Variants in CTNNA3 observed in about 807,000 individuals in gnomAD.
The protein encoded by CTNNA3 is catenin alpha-3.
CTNNA3 carries 76 observed loss-of-function variants against 95.7 expected under a neutral mutation model. That is an observed-to-expected ratio of 0.79 (90% confidence interval 0.66 to 0.96). The LOEUF (loss-of-function observed/expected upper bound fraction) is 0.96, where lower values mean the gene tolerates loss of function less well. CTNNA3 is among the 40% of genes least tolerant of loss of function. The pLI, the probability that CTNNA3 is intolerant of heterozygous loss-of-function variation, is 0.00. For synonymous variants in CTNNA3, 431 were observed against 374.4 expected (o/e 1.15, Z -1.74); for missense variants, 1,191 against 1,089.8 (o/e 1.09, Z -1.31).
intron 11 of CTNNA3, among the ~76,000 whole-genome samples, chr10:66,491,940 A>G (rs1308873075): frequency 6.6e-6 from 1 of 151,774 alleles, no homozygotes; most frequent in Non-Finnish European, 1.5e-5. Flanking sequence ...AGTAGAATCT[A>G]TCCATCATTT....
At chr10:67,454,816 A>G (rs1368846330) in intron 5 of CTNNA3, among the ~76,000 whole-genome samples, 2 of 152,200 alleles carry the variant, frequency 1.3e-5, no homozygotes, top group Non-Finnish European at 2.9e-5. Flanking sequence ...TTTACATTGA[A>G]AAGACAAAAC....
At chr10:66,915,145 G>C (rs1846422597) in intron 7 of CTNNA3, among the ~76,000 whole-genome samples, 2 of 147,406 alleles carry the variant, frequency 1.4e-5, no homozygotes. Context: ...AGAACTGAAG[G>C]ACACGTCTCC....
chr10:67,079,858 AACACACAC>A (rs199928311), intron 7 of CTNNA3, among the ~76,000 whole-genome samples: 9,318 of 141,252 alleles, frequency 0.066, 344 homozygotes, highest in East Asian at 0.18. Flanking sequence ...AAAAAAACAA[AACACACAC>A]ACACACACAC....
At chr10:67,538,157 T>TAAAAAAAAAAAAAAA (rs1176919938) in intron 4 of CTNNA3, among the ~76,000 whole-genome samples, 2 of 59,176 alleles carry the variant, frequency 3.4e-5, no homozygotes, top group Admixed American at 1.9e-4. Flanking sequence ...CTACTTAAAC[T>TAAAAAAAAAAAAAAA]AAAAAAAAAA....
At chr10:67,204,293 G>T (rs960719614) in intron 6 of CTNNA3, among the ~76,000 whole-genome samples, 1 of 152,064 alleles carries the variant, frequency 6.6e-6, no homozygotes, top group African/African-American at 2.4e-5. Context: ...CTCATGAATG[G>T]TTTAGCACCA....
rs562571146 is a variant in CTNNA3 at position 67,377,022 on chromosome 10, A to G, written c.579+144820T>C. Among the ~76,000 whole-genome samples the G allele has an allele frequency of 2.2e-4, 34 of 152,326 alleles. 1 individual carries two copies. In the South Asian group the frequency reaches 7.0e-3, roughly 32 times the overall value. On this transcript the variant is annotated intron_variant, in intron 5 of 17. Transcript: ENST00000433211. The stretch of plus-strand genomic sequence containing the variant: ...CAAGATTATTTGGCTTATATTTAAA[A>G]TGAAAAAGGCATGTTTGCATTCCAG...
chr10:66,434,817 C>T (rs183067279), intron 11 of CTNNA3, among the ~76,000 whole-genome samples: 2 of 152,152 alleles, frequency 1.3e-5, no homozygotes, highest in Non-Finnish European at 2.9e-5. Context: ...GAGATATGTT[C>T]CATCAATACC....
At chr10:66,609,258 T>C (rs1356721295) in intron 10 of CTNNA3, among the ~76,000 whole-genome samples, 1 of 150,678 alleles carries the variant, frequency 6.6e-6, no homozygotes, top group Non-Finnish European at 1.5e-5. Context: ...GAGATGAAGT[T>C]TCACCATTTG....
At chr10:67,198,733 T>G (rs949422331) in intron 6 of CTNNA3, among the ~76,000 whole-genome samples, 2 of 152,202 alleles carry the variant, frequency 1.3e-5, no homozygotes, top group Admixed American at 1.3e-4. Context: ...TGAGAAGACC[T>G]GTAGAAAAAA....
chr10:66,030,237 A>C (rs1274803212), intron 15 of CTNNA3, among the ~76,000 whole-genome samples: 1 of 152,198 alleles, frequency 6.6e-6, no homozygotes, highest in Non-Finnish European at 1.5e-5. Context: ...ATTTGTATGG[A>C]ATCAAAAGAG....
intron 5 of CTNNA3, among the ~76,000 whole-genome samples, chr10:67,414,936 GCAGAGAAAC>G (rs1845491763): frequency 6.6e-6 from 1 of 152,226 alleles, no homozygotes; most frequent in Non-Finnish European, 1.5e-5. Flanking sequence ...CTCAATAGAT[GCAGAGAAAC>G]CTTTTGATAA....
At chr10:67,701,586 G>C (rs534312792) in intron 1 of CTNNA3, among the ~76,000 whole-genome samples, 4 of 152,308 alleles carry the variant, frequency 2.6e-5, no homozygotes, top group East Asian at 3.9e-4. Context: ...GAGAGATTTT[G>C]TCACCAACAG....
chr10:66,922,297 T>A (rs1294001414), intron 7 of CTNNA3, among the ~76,000 whole-genome samples: 4 of 152,236 alleles, frequency 2.6e-5, no homozygotes, highest in Non-Finnish European at 4.4e-5. Flanking sequence ...ATTTTGCTTC[T>A]GCTGAAAGGC....
intron 5 of CTNNA3, among the ~76,000 whole-genome samples, chr10:67,292,745 A>T (rs1480526028): frequency 6.6e-6 from 1 of 152,220 alleles, no homozygotes; most frequent in African/African-American, 2.4e-5. Context: ...TACATTTTAG[A>T]TTCAAGTAAA....
At chr10:67,006,994 C>A (rs906215718) in intron 7 of CTNNA3, among the ~76,000 whole-genome samples, 2 of 152,088 alleles carry the variant, frequency 1.3e-5, no homozygotes, top group Non-Finnish European at 2.9e-5. Flanking sequence ...TGGGGTTTCA[C>A]CATGTTGGCC....
intron 7 of CTNNA3, among the ~76,000 whole-genome samples, chr10:67,117,884 T>C (rs1479967679): frequency 6.6e-6 from 1 of 152,018 alleles, no homozygotes; most frequent in East Asian, 1.9e-4. Context: ...TTCTGAATAA[T>C]ATGGAAGCAC....
chr10:67,314,194 T>C (rs1255566904), intron 5 of CTNNA3, among the ~76,000 whole-genome samples: 1 of 152,186 alleles, frequency 6.6e-6, no homozygotes, highest in Non-Finnish European at 1.5e-5. Flanking sequence ...CATTTAATAA[T>C]TAAAATGAAT....
At chr10:67,420,255 T>C (rs1845700861) in intron 5 of CTNNA3, among the ~76,000 whole-genome samples, 1 of 152,244 alleles carries the variant, frequency 6.6e-6, no homozygotes, top group African/African-American at 2.4e-5. Context: ...AACAAATGGT[T>C]AAGTGAATTA....
chr10:67,252,218 CAAAA>C (rs34502404), intron 5 of CTNNA3, among the ~76,000 whole-genome samples: 2 of 87,232 alleles, frequency 2.3e-5, no homozygotes, highest in African/African-American at 3.3e-5. Context: ...AACACTGTCT[CAAAA>C]AAAAAAAAAA....
Sources: gnomAD v4.1 joint callset for allele counts (sites outside exome capture counted in the v4.1 genomes callset) on GRCh38, gnomAD v4.1.1 for gene constraint, MANE v1.5 for transcripts, NCBI Gene and HGNC (gene_info 2026-07-23, HGNC 2026-07-21) for gene names.